The following MARCHF1 variants were observed in gnomAD, a reference collection of about 807,000 sequenced individuals.
MARCHF1 encodes E3 ubiquitin-protein ligase MARCHF1.
Under a neutral mutation model 54.2 loss-of-function variants are expected in MARCHF1, and 40 were observed. The observed-to-expected ratio is 0.74, with a 90% CI of 0.57 to 0.96. The LOEUF (loss-of-function observed/expected upper bound fraction) is 0.96, where lower values mean the gene tolerates loss of function less well. Among genes scored for constraint, MARCHF1 ranks in the 40% least tolerant of loss-of-function variants. MARCHF1 has a pLI of 0.00. For synonymous variants in MARCHF1, 236 were observed against 236.3 expected (o/e 1.00, Z 0.01); for missense variants, 586 against 656.5 (o/e 0.89, Z 1.17).
intron 5 of MARCHF1, among the ~76,000 whole-genome samples, chr4:163,647,896 T>A (rs1742820142): frequency 6.7e-6 from 1 of 149,554 alleles, no homozygotes; most frequent in South Asian, 2.1e-4. Flanking sequence ...AAGGAAATAA[T>A]GAAGATCAGA....
At chr4:163,797,407 T>C (rs192933318) in intron 4 of MARCHF1, among the ~76,000 whole-genome samples, 2 of 151,984 alleles carry the variant, frequency 1.3e-5, no homozygotes, top group African/African-American at 4.8e-5. Flanking sequence ...GGCTTCTTGA[T>C]ATGGAGTTGG....
At chr4:164,212,140 G>A (rs938688601) in intron 1 of MARCHF1, among the ~76,000 whole-genome samples, 1 of 151,994 alleles carries the variant, frequency 6.6e-6, no homozygotes, top group Admixed American at 6.6e-5. Flanking sequence ...AGGAGAAAGA[G>A]AAAGAATAGA....
intron 1 of MARCHF1, among the ~76,000 whole-genome samples, chr4:164,224,723 G>T (rs910371140): frequency 5.9e-5 from 9 of 151,832 alleles, no homozygotes; most frequent in Non-Finnish European, 1.0e-4. Context: ...CAACAATTAA[G>T]TTTATAAATA....
chr4:164,120,254 GA>G (rs750557546), intron 1 of MARCHF1, among the ~76,000 whole-genome samples: 1 of 151,982 alleles, frequency 6.6e-6, no homozygotes, highest in Non-Finnish European at 1.5e-5. Flanking sequence ...ACTATATAAT[GA>G]CAAAGTGTCC....
intron 1 of MARCHF1, among the ~76,000 whole-genome samples, chr4:164,221,138 T>A (rs1025670320): frequency 5.9e-5 from 9 of 152,038 alleles, no homozygotes; most frequent in Admixed American, 4.6e-4. Context: ...TGTTTAAAAA[T>A]AGTCTATGAA....
intron 4 of MARCHF1, among the ~76,000 whole-genome samples, chr4:163,765,626 G>A (rs1453623666): frequency 6.6e-6 from 1 of 151,830 alleles, no homozygotes; most frequent in Non-Finnish European, 1.5e-5. Context: ...AATATATAGA[G>A]AGAAATACGT....
At chr4:164,197,035 T>C in intron 1 of MARCHF1, 1 of 1,605,602 alleles carries the variant, frequency 6.2e-7, no homozygotes, top group South Asian at 1.1e-5. Context: ...CCTTTCTTCT[T>C]CACCAAGCTC....
At chr4:164,349,054 C>T (rs1294747520) in intron 1 of MARCHF1, among the ~76,000 whole-genome samples, 2 of 152,134 alleles carry the variant, frequency 1.3e-5, no homozygotes, top group Non-Finnish European at 1.5e-5. Flanking sequence ...GGAAATGGTA[C>T]TGATGCACAC....
intron 3 of MARCHF1, among the ~76,000 whole-genome samples, chr4:163,973,866 C>T (rs1752598985): frequency 6.6e-6 from 1 of 152,172 alleles, no homozygotes; most frequent in Admixed American, 6.5e-5. Context: ...GATTAAATAA[C>T]TAATTTAATG....
chr4:163,839,329 T>C (rs1432412115), intron 4 of MARCHF1, among the ~76,000 whole-genome samples: 1 of 152,100 alleles, frequency 6.6e-6, no homozygotes, highest in Non-Finnish European at 1.5e-5. Context: ...TGTTAAACAC[T>C]GAGTTACCAT....
chr4:164,327,178 T>C (rs1735306344), intron 1 of MARCHF1, among the ~76,000 whole-genome samples: 1 of 152,166 alleles, frequency 6.6e-6, no homozygotes, highest in Non-Finnish European at 1.5e-5. Flanking sequence ...AATAGTTCAA[T>C]AAGGAGATGA....
chr4:163,726,707 T>C (rs758876388), intron 4 of MARCHF1, among the ~76,000 whole-genome samples: 1 of 152,208 alleles, frequency 6.6e-6, no homozygotes, highest in Non-Finnish European at 1.5e-5. Context: ...GGCAGTTCCA[T>C]TTTGCATTCC....
In MARCHF1 at chr4:163,740,492, A is replaced by C. The variant is rs534158053; in HGVS notation, c.112-39629T>G. On this transcript the variant is annotated intron_variant, in intron 4 of 9. Transcript: ENST00000514618. ...ACATTGTGCTGGTTCTTCATGGCCC[A>C]ATCACCACTGAGCAATAGGGTACAG... is the stretch of plus-strand genomic sequence containing the variant. Among the ~76,000 whole-genome samples the C allele has an allele frequency of 8.5e-5, 13 of 152,292 alleles. No individual in the cohort carries two copies. In the South Asian group the frequency reaches 2.3e-3, roughly 27 times the overall value.
intron 1 of MARCHF1, among the ~76,000 whole-genome samples, chr4:164,376,498 A>G (rs1284604341): frequency 6.6e-6 from 1 of 152,192 alleles, no homozygotes; most frequent in Non-Finnish European, 1.5e-5. Context: ...GTGATCCCGG[A>G]GAGTAGGAGT....
chr4:164,199,093 A>G (rs1392381741), intron 1 of MARCHF1, among the ~76,000 whole-genome samples: 1 of 152,174 alleles, frequency 6.6e-6, no homozygotes, highest in Non-Finnish European at 1.5e-5. Flanking sequence ...CAGATTGATC[A>G]CATGTTCCAA....
chr4:164,140,959 A>G (rs1348489701), intron 1 of MARCHF1, among the ~76,000 whole-genome samples: 1 of 152,226 alleles, frequency 6.6e-6, no homozygotes, highest in African/African-American at 2.4e-5. Context: ...GGGTTAGCAT[A>G]AGACTGGAAA....
At chr4:164,208,724 T>A (rs942585760) in intron 1 of MARCHF1, among the ~76,000 whole-genome samples, 1 of 152,046 alleles carries the variant, frequency 6.6e-6, no homozygotes, top group Admixed American at 6.6e-5. Context: ...TTGTGGGAAA[T>A]TGGTTAAGCT....
intron 1 of MARCHF1, chr4:164,188,471 T>C: frequency 1.5e-6 from 1 of 655,278 alleles, no homozygotes; most frequent in East Asian, 2.6e-5. Context: ...CACGGTGGTC[T>C]GCGTCGACCT....
At chr4:164,037,296 C>T (rs1252527142) in intron 2 of MARCHF1, among the ~76,000 whole-genome samples, 1 of 151,954 alleles carries the variant, frequency 6.6e-6, no homozygotes, top group Non-Finnish European at 1.5e-5. Flanking sequence ...TAAAGTCATG[C>T]CACTAGCTTA....
Sources: gnomAD v4.1 joint callset for allele counts (sites outside exome capture counted in the v4.1 genomes callset) on GRCh38, gnomAD v4.1.1 for gene constraint, MANE v1.5 for transcripts, NCBI Gene and HGNC (gene_info 2026-07-23, HGNC 2026-07-21) for gene names.